The following FGD2 variants were observed in gnomAD, a reference collection of about 807,000 sequenced individuals.
The protein encoded by FGD2 is FYVE, RhoGEF and PH domain containing 2.
Under a neutral mutation model 75.9 loss-of-function variants are expected in FGD2, and 52 were observed. The observed-to-expected ratio is 0.69, with a 90% CI of 0.55 to 0.86. The LOEUF (loss-of-function observed/expected upper bound fraction) is 0.86. Ranked by LOEUF, FGD2 falls within the 40% of genes least tolerant of loss-of-function variation. The pLI, the probability that FGD2 is intolerant of heterozygous loss-of-function variation, is 0.00. For synonymous variants in FGD2, 347 were observed against 348.6 expected, an observed-to-expected ratio of 1.00 and a Z score of 0.05; for missense variants, 790 against 872.0, an observed-to-expected ratio of 0.91 and a Z score of 1.18.
At chr6:37,011,129 G>A (rs1764986227) in intron 3 of FGD2, 79 bp downstream of exon 3, 2 of 1,353,014 alleles carry the variant, frequency 1.5e-6, no homozygotes, top group Non-Finnish European at 2.1e-6. Context: ...TTCCCACCCT[G>A]CTCACCAGAG....
In FGD2 at chr6:37,015,041, A is replaced by G. The variant is rs201005926; in HGVS notation, c.1029+3A>G. 2 of 1,612,096 alleles carry G rather than the reference A, an allele frequency of 1.2e-6. No individual in the cohort carries two copies. Among genetic ancestry groups the G allele is most frequent in the African/African-American group, 2.7e-5 (2 of 75,024 alleles). The stretch of plus-strand genomic sequence containing the variant: ...CCATGGAGCGCTACCTTTTCTTGGT[A>G]AGAGGGTGCTGGGAGCTCCTCTCCA... On this transcript the variant is annotated splice_donor_region_variant and intron_variant, in intron 8 of 15. Coordinates refer to ENST00000274963, the MANE Select transcript of FGD2 (RefSeq NM_173558.4).
chr6:37,028,460 C>T lies in FGD2; in HGVS notation c.*297C>T, dbSNP rs984940779. On this transcript the variant is annotated 3_prime_UTR_variant, in exon 16 of 16. Transcript: ENST00000274963. ...CCAGGTAACCCCGGACTGGTGGTCA[C>T]CATAGTATGGTTTTTCATTTGTATC... 1 of 383,124 alleles carries T rather than the reference C, an allele frequency of 2.6e-6. No homozygotes were observed. The highest frequency in any genetic ancestry group is 2.0e-5 in the African/African-American group (1 of 49,324). The allele number at this position is 383,124 out of a possible 1,614,324, so 23.7% of individuals were successfully genotyped here.
chr6:37,024,372 A>G (rs140428373), intron 13 of FGD2: 35 of 152,326 alleles, frequency 2.3e-4, no homozygotes, highest in African/African-American at 7.0e-4. Context: ...TTGTATCAAT[A>G]AATTTCCTGA....
At chr6:37,014,385 C>G in intron 6 of FGD2, 1 of 617,128 alleles carries the variant, frequency 1.6e-6, no homozygotes, top group Non-Finnish European at 2.8e-6. Context: ...CCATTATACC[C>G]TCTAGGTCTG....
chr6:37,027,549 G>C lies in FGD2; in HGVS notation c.1726G>C (p.Val576Leu), dbSNP rs751341493. The C allele has an allele frequency of 6.2e-7, 1 of 1,613,958 alleles. No homozygotes were observed. Among genetic ancestry groups the C allele is most frequent in the African/African-American group, 1.3e-5 (1 of 74,914 alleles). ...WCVIPRDDPLVLYVYAAPQDM... is the reference protein window; with the variant it reads ...WCVIPRDDPLLLYVYAAPQDM... The stretch of plus-strand genomic sequence containing the variant: ...TGTGATCCCTCGGGATGACCCCCTC[G>C]TGCTCTATGTCTATGCTGCCCCTCA... Residue 576 changes from valine (V) to leucine (L), a missense_variant, in exon 15 of 16, where the codon GTG (valine) becomes CTG (leucine). By Grantham distance (32) the Val-to-Leu change is conservative. Coordinates refer to ENST00000274963, the MANE Select transcript of FGD2 (RefSeq NM_173558.4).
rs111481581 is a variant in FGD2 at position 37,027,006 on chromosome 6, GA to G, written c.1606-409del. On this transcript the variant is annotated intron_variant, in intron 14 of 15. Transcript: ENST00000274963. ...CTGAGCAACAAGAGAGAAACTATCT[GA>G]AAAAAAAAAAAAAGTTGGCCTTTTT... Among the ~76,000 whole-genome samples, 715 of 139,802 alleles carry G rather than the reference GA, an allele frequency of 5.1e-3. 5 individuals are homozygous for G. The highest frequency in any genetic ancestry group is 0.027 in the East Asian group (132 of 4,864). The allele number at this position is 139,802 out of a possible 152,430, so 91.7% of individuals were successfully genotyped here. A position where few individuals can be genotyped will look rare whatever the true frequency, so the allele number is the denominator to read the frequency against.
At chr6:37,020,099 G>A (rs949342364) in intron 9 of FGD2, among the ~76,000 whole-genome samples, 1 of 152,132 alleles carries the variant, frequency 6.6e-6, no homozygotes, top group Non-Finnish European at 1.5e-5. Context: ...TGATCTACCC[G>A]CCTTGACCTC....
In FGD2 at chr6:37,025,957, G is replaced by A. The variant is rs111595672; in HGVS notation, c.1605+19G>A. The A allele has an allele frequency of 1.1e-3, 1,799 of 1,612,926 alleles. 9 individuals are homozygous for A. Among genetic ancestry groups the A allele is most frequent in the African/African-American group, 0.01 (764 of 75,030 alleles). ...CCTGGAGGTGAGGGCCACTGTCCCC[G>A]CGCTCACCATCCGTCCTCTGTTCAG... On this transcript the variant is annotated intron_variant, in intron 14 of 15. Coordinates refer to ENST00000274963, the MANE Select transcript of FGD2 (RefSeq NM_173558.4).
chr6:37,022,282 G>C lies in FGD2; in HGVS notation c.1370G>C (p.Arg457Pro). 1 of 1,588,706 alleles carries C rather than the reference G, an allele frequency of 6.3e-7. No homozygotes were observed. Among genetic ancestry groups the C allele is most frequent in the East Asian group, 2.3e-5 (1 of 42,998 alleles). Residue 457 changes from arginine (R) to proline (P), a missense_variant, in exon 13 of 16, where the codon CGG becomes CCG. By Grantham distance (103) the Arg-to-Pro change is moderately radical. Coordinates refer to ENST00000274963, the MANE Select transcript of FGD2 (RefSeq NM_173558.4). ...GGCCTCCGGGCACCGCAGTGGGTCC[G>C]GGACAAGATGGTGACCATGTGCATG... ...ELGLRAPQWVRDKMVTMCMRC... is the reference protein window; with the variant it reads ...ELGLRAPQWVPDKMVTMCMRC...
At chr6:37,017,662 G>A (rs1765364641) in intron 9 of FGD2, among the ~76,000 whole-genome samples, 1 of 152,156 alleles carries the variant, frequency 6.6e-6, no homozygotes, top group African/African-American at 2.4e-5. Flanking sequence ...CAGAGGTCTG[G>A]TCTGGCCCAT....
In FGD2 at chr6:37,022,355, C is replaced by A; in HGVS notation, c.1443C>A (p.Cys481Ter). Residue 481 changes from cysteine (C) to a stop codon, truncating the protein, a stop_gained, in exon 13 of 16, where the codon TGC becomes TGA. Transcript: ENST00000274963. LOFTEE classifies it high-confidence loss of function. Reference sequence around the variant, plus strand: ...CTCTGACGCGCCGTCGCCACCACTGCCGGGCCTGCGGCTATGTGAGTACTC... The same window carrying A: ...CTCTGACGCGCCGTCGCCACCACTGACGGGCCTGCGGCTATGTGAGTACTC... ...FNALTRRRHH[C>*]RACGYVVCAR... is the part of the protein sequence containing the mutation. The A allele has an allele frequency of 6.3e-7, 1 of 1,584,562 alleles. No homozygotes were observed.
chr6:37,027,648 G>T, intron 15 of FGD2, 73 bp downstream of exon 15: 1 of 1,564,002 alleles, frequency 6.4e-7, no homozygotes. Context: ...GGGGTCAGGG[G>T]TGAGTATTGC....
intron 4 of FGD2, chr6:37,013,042 G>A (rs1214800190): frequency 1.8e-5 from 2 of 114,178 alleles, no homozygotes; most frequent in Non-Finnish European, 1.9e-5. Context: ...TTCAGTGTGA[G>A]GGGCATGGAA....
At chr6:37,022,168 C>G (rs1765615297) in intron 12 of FGD2, 71 bp from the exon 13 acceptor site, 1 of 1,526,168 alleles carries the variant, frequency 6.6e-7, no homozygotes, top group African/African-American at 1.4e-5. Flanking sequence ...CACAGGGCCC[C>G]AGGCCCTGGG....
chr6:37,008,724 G>T lies in FGD2; in HGVS notation c.69-110G>T, dbSNP rs1764863356. 4.1e-6 allele frequency: 4 copies of T among 969,102 alleles called. No individual in the cohort carries two copies. The Admixed American group carries it at 8.3e-5, about 20-fold the overall frequency. The allele number at this position is 969,102 out of a possible 1,614,324, so 60.0% of individuals were successfully genotyped here. A position where few individuals can be genotyped will look rare whatever the true frequency, so the allele number is the denominator to read the frequency against. On this transcript the variant is annotated intron_variant, in intron 1 of 15. Transcript: ENST00000274963. ...CCCAAAGAAAGCCAGGCACCCAGGG[G>T]CCCCTGCACTGGGGATTTGCACCAG...
rs1207526842 is a variant in FGD2 at position 37,018,387 on chromosome 6, A to G, written c.1123-2154A>G. Among the ~76,000 whole-genome samples, 5 of 152,098 alleles carry G rather than the reference A, an allele frequency of 3.3e-5. No individual in the cohort carries two copies. The East Asian group carries it at 9.7e-4, about 29-fold the overall frequency. ...GGGCTTGGCAAGTGCAGAGCTGTCC[A>G]CTCACCCTACTTCTGTGCAGGAACC... On this transcript the variant is annotated intron_variant, in intron 9 of 15. Transcript: ENST00000274963.
intron 13 of FGD2, chr6:37,024,638 C>A (rs1253027374): frequency 6.6e-6 from 1 of 151,854 alleles, no homozygotes; most frequent in African/African-American, 2.4e-5. Flanking sequence ...CAAAATTAAA[C>A]GTTGGTAGAG....
In FGD2 at chr6:37,008,934, G is replaced by A. The variant is rs138397340; in HGVS notation, c.169G>A (p.Val57Ile). The change falls in exon 2 of 16, where the codon GTC becomes ATC. Residue 57 changes from valine (V) to isoleucine (I), a missense_variant. Physicochemically the swap from Val to Ile is conservative, Grantham distance 29. Coordinates refer to ENST00000274963, the MANE Select transcript of FGD2 (RefSeq NM_173558.4). ...ESPGPREKTN[V>I]GEAVGSEPRT... ...CCCAGGACCACGGGAGAAGACGAAT[G>A]TCGGGGAGGCCGTGGGGTCTGAGCC... 1,631 of 1,614,254 alleles carry A rather than the reference G, an allele frequency of 1.0e-3. 6 individuals are homozygous for A. The highest frequency in any genetic ancestry group is 1.7e-3 in the Admixed American group (102 of 60,030).
At chr6:37,026,331 A>C (rs1477249459) in intron 14 of FGD2, 1 of 985,272 alleles carries the variant, frequency 1.0e-6, no homozygotes, top group African/African-American at 1.7e-5. Context: ...TCCAGGTCAG[A>C]CAGATTGGAG....
Sources: allele counts gnomAD v4.1 joint callset (sites outside exome capture counted in the v4.1 genomes callset), GRCh38; gene constraint gnomAD v4.1.1; transcripts MANE v1.5; gene names NCBI Gene and HGNC (gene_info 2026-07-23, HGNC 2026-07-21).